ZNF827: variants seen among roughly 807,000 people sequenced by gnomAD.
ZNF827 encodes the protein zinc finger protein 827.
ZNF827 carries 13 observed loss-of-function variants against 102.4 expected under a neutral mutation model. The observed-to-expected ratio is 0.13, with a 90% CI of 0.08 to 0.20. ZNF827 has a LOEUF of 0.20. ZNF827 is among the 10% of genes least tolerant of loss of function. The pLI is 1.00. For synonymous variants in ZNF827, 523 were observed against 536.2 expected (o/e 0.98, Z 0.34); for missense variants, 1,103 against 1,344.4 (o/e 0.82, Z 2.81).
At chr4:145,878,121 T>C (rs1163226603) in intron 4 of ZNF827, among the ~76,000 whole-genome samples, 1 of 152,222 alleles carries the variant, frequency 6.6e-6, no homozygotes, top group African/African-American at 2.4e-5. Flanking sequence ...CAGATCAGTT[T>C]GTAAATGATT....
chr4:145,930,099 C>T (rs936030293), intron 1 of ZNF827, among the ~76,000 whole-genome samples: 2 of 152,184 alleles, frequency 1.3e-5, no homozygotes, highest in Non-Finnish European at 1.5e-5. Flanking sequence ...GGCACAGTCA[C>T]AGATGATACT....
chr4:145,936,561 C>T (rs1308271577), intron 1 of ZNF827, among the ~76,000 whole-genome samples: 2 of 152,172 alleles, frequency 1.3e-5, no homozygotes, highest in Admixed American at 1.3e-4. Context: ...CTTGCAAGTG[C>T]CCTTGCTCGC....
intron 7 of ZNF827, among the ~76,000 whole-genome samples, chr4:145,827,881 T>G (rs1376317430): frequency 6.6e-6 from 1 of 152,240 alleles, no homozygotes; most frequent in Non-Finnish European, 1.5e-5. Flanking sequence ...TGAAATCATA[T>G]TCCGTAAGTT....
intron 8 of ZNF827, among the ~76,000 whole-genome samples, chr4:145,807,611 A>G (rs1209501196): frequency 6.6e-6 from 1 of 151,872 alleles, no homozygotes; most frequent in African/African-American, 2.4e-5. Flanking sequence ...AGCTGGGATT[A>G]CAGGCGCCCA....
intron 1 of ZNF827, among the ~76,000 whole-genome samples, chr4:145,930,230 G>C (rs571310026): frequency 6.6e-6 from 1 of 152,206 alleles, no homozygotes; most frequent in Non-Finnish European, 1.5e-5. Flanking sequence ...ACAGTAGCTT[G>C]TTTCAAAAGC....
intron 8 of ZNF827, among the ~76,000 whole-genome samples, chr4:145,785,890 G>A (rs774411122): frequency 2.6e-5 from 4 of 152,194 alleles, no homozygotes; most frequent in Admixed American, 6.5e-5. Context: ...CAACAATCCA[G>A]ACACTAGCAC....
At chr4:145,910,736 A>C (rs1223281012) in intron 1 of ZNF827, among the ~76,000 whole-genome samples, 1 of 152,138 alleles carries the variant, frequency 6.6e-6, no homozygotes, top group Non-Finnish European at 1.5e-5. Context: ...CCTGAACCTC[A>C]AGGCATCCCT....
chr4:145,894,702 A>G (rs2126859607), intron 2 of ZNF827, among the ~76,000 whole-genome samples: 1 of 152,304 alleles, frequency 6.6e-6, no homozygotes, highest in East Asian at 1.9e-4. Flanking sequence ...TGGGGGAGTA[A>G]CAGGAAATGA....
chr4:145,879,692 A>C (rs572837041), intron 4 of ZNF827, among the ~76,000 whole-genome samples: 1 of 152,350 alleles, frequency 6.6e-6, no homozygotes, highest in East Asian at 1.9e-4. Context: ...CAGAAATATC[A>C]GTTGGCCCTA....
At chr4:145,882,948 T>C (rs1749797612) in intron 4 of ZNF827, among the ~76,000 whole-genome samples, 1 of 152,100 alleles carries the variant, frequency 6.6e-6, no homozygotes, top group African/African-American at 2.4e-5. Flanking sequence ...CGCAGCTCCC[T>C]GGGATTTGGC....
intron 1 of ZNF827, among the ~76,000 whole-genome samples, chr4:145,931,120 A>T (rs972378401): frequency 9.9e-5 from 15 of 152,122 alleles, no homozygotes; most frequent in Admixed American, 8.5e-4. Flanking sequence ...CAAAAAACTT[A>T]CTCCCAAACA....
chr4:145,833,547 AG>A (rs1332360871), intron 7 of ZNF827, among the ~76,000 whole-genome samples: 5 of 151,892 alleles, frequency 3.3e-5, no homozygotes, highest in Non-Finnish European at 5.9e-5. Flanking sequence ...TTTCTGGAAG[AG>A]GGGCAAGTAC....
intron 8 of ZNF827, among the ~76,000 whole-genome samples, chr4:145,792,335 T>C (rs766838066): frequency 1.3e-5 from 2 of 151,192 alleles, no homozygotes; most frequent in African/African-American, 2.4e-5. Flanking sequence ...TGAATTTGTA[T>C]ATGAAAGTCA....
intron 1 of ZNF827, among the ~76,000 whole-genome samples, chr4:145,915,130 A>G (rs1245159284): frequency 6.6e-6 from 1 of 152,204 alleles, no homozygotes; most frequent in Non-Finnish European, 1.5e-5. Context: ...AGAGCAAGAG[A>G]TGGCCAAATT....
chr4:145,803,449 C>G (rs769386093), intron 8 of ZNF827, among the ~76,000 whole-genome samples: 2 of 151,244 alleles, frequency 1.3e-5, no homozygotes, highest in Non-Finnish European at 2.9e-5. Flanking sequence ...TGCTAGCAAA[C>G]AGTGTATCAG....
At chr4:145,889,899 G>T (rs1003719745) in intron 3 of ZNF827, among the ~76,000 whole-genome samples, 1 of 151,574 alleles carries the variant, frequency 6.6e-6, no homozygotes, top group Non-Finnish European at 1.5e-5. Flanking sequence ...ATCGCTTAGA[G>T]CCCGGAGGCG....
intron 5 of ZNF827, among the ~76,000 whole-genome samples, chr4:145,868,852 G>A (rs1367510036): frequency 6.6e-6 from 1 of 152,210 alleles, no homozygotes; most frequent in Non-Finnish European, 1.5e-5. Context: ...TCACTGGAAT[G>A]TGAAAGTGTA....
chr4:145,772,603 G>A (rs1736453352), intron 11 of ZNF827, among the ~76,000 whole-genome samples: 1 of 152,184 alleles, frequency 6.6e-6, no homozygotes, highest in Non-Finnish European at 1.5e-5. Context: ...CAACAGCCGA[G>A]TTGAGTAGTA....
At chr4:145,878,587 C>CAGGAA (rs2126791432) in intron 4 of ZNF827, among the ~76,000 whole-genome samples, 1 of 124,204 alleles carries the variant, frequency 8.1e-6, no homozygotes, top group East Asian at 2.4e-4. Flanking sequence ...CAGGACAGGA[C>CAGGAA]AGGACAGGAC....
Sources: gnomAD v4.1 joint callset for allele counts (sites outside exome capture counted in the v4.1 genomes callset) on GRCh38, gnomAD v4.1.1 for gene constraint, MANE v1.5 for transcripts, NCBI Gene and HGNC (gene_info 2026-07-23, HGNC 2026-07-21) for gene names.